The following RMND1 variants were observed in gnomAD, a reference collection of about 807,000 sequenced individuals.
RMND1 encodes the protein required for meiotic nuclear division protein 1 homolog.
RMND1 carries 41 observed loss-of-function variants against 54.0 expected under a neutral mutation model. The observed-to-expected ratio is 0.76, with a 90% CI of 0.59 to 0.98. RMND1 has a LOEUF of 0.98. Among genes scored for constraint, RMND1 ranks in the 50% least tolerant of loss-of-function variants. The probability of loss-of-function intolerance (pLI) is 0.00; values close to 1 mark genes in which losing one functional copy is unlikely to be tolerated. For missense variants in RMND1, 457 were observed against 532.0 expected (o/e 0.86, Z 1.39); for synonymous variants, 183 against 181.7 (o/e 1.01, Z -0.06).
At chr6:151,421,766 T>C (rs368411491) in intron 8 of RMND1, among the ~76,000 whole-genome samples, 22 of 152,258 alleles carry the variant, frequency 1.4e-4, no homozygotes, top group East Asian at 7.7e-4. Flanking sequence ...GTGGTCATAA[T>C]TTCCATTCTC....
chr6:151,440,436 G>A (rs1200201727), intron 2 of RMND1, among the ~76,000 whole-genome samples: 3 of 152,222 alleles, frequency 2.0e-5, no homozygotes, highest in African/African-American at 7.2e-5. Context: ...TCAAGGACAG[G>A]ACAAGTCAAT....
chr6:151,416,170 C>T (rs936043501), intron 10 of RMND1, among the ~76,000 whole-genome samples: 5 of 151,742 alleles, frequency 3.3e-5, no homozygotes, highest in South Asian at 2.1e-4. Flanking sequence ...GTAGAGACAG[C>T]GTTTTACCAT....
chr6:151,439,029 C>T (rs1350316950), intron 2 of RMND1, among the ~76,000 whole-genome samples: 1 of 152,082 alleles, frequency 6.6e-6, no homozygotes, highest in East Asian at 1.9e-4. Context: ...CAGGAGAATC[C>T]CTTGAATCCA....
intron 2 of RMND1, among the ~76,000 whole-genome samples, chr6:151,439,385 T>C (rs1319890594): frequency 1.3e-5 from 2 of 152,216 alleles, no homozygotes; most frequent in Non-Finnish European, 2.9e-5. Flanking sequence ...AAAAAGCTTA[T>C]GCATGAGAGT....
At chr6:151,433,015 T>A (rs1039745631) in intron 4 of RMND1, 140 bp downstream of exon 4, 3 of 542,712 alleles carry the variant, frequency 5.5e-6, no homozygotes, top group Non-Finnish European at 6.6e-6. Context: ...CTAGATTAAA[T>A]AAGAATTAAA....
chr6:151,417,935 AG>A (rs1385005482), intron 9 of RMND1, among the ~76,000 whole-genome samples: 1 of 151,764 alleles, frequency 6.6e-6, no homozygotes, highest in Non-Finnish European at 1.5e-5. Flanking sequence ...CAGCCTCCCA[AG>A]TAGCTGGGAT....
At chr6:151,433,110 G>T in intron 4 of RMND1, 45 bp downstream of exon 4, 1 of 1,248,752 alleles carries the variant, frequency 8.0e-7, no homozygotes, top group South Asian at 1.3e-5. Context: ...ACAATTACTT[G>T]ACCCAAACCC....
At chr6:151,410,374 G>A (rs1234940547) in intron 10 of RMND1, among the ~76,000 whole-genome samples, 2 of 152,004 alleles carry the variant, frequency 1.3e-5, no homozygotes, top group Non-Finnish European at 2.9e-5. Context: ...TGTTTTCTTA[G>A]AAGACTGTAA....
chr6:151,423,990 G>A (rs2114939331), intron 6 of RMND1, among the ~76,000 whole-genome samples: 1 of 151,998 alleles, frequency 6.6e-6, no homozygotes, highest in South Asian at 2.1e-4. Flanking sequence ...TGGGATTACA[G>A]GCATGCGTAA....
Position 151,423,878 on chromosome 6 carries a change from C to T in RMND1, c.831-247G>A, listed in dbSNP as rs1489363578. Among the ~76,000 whole-genome samples the T allele has an allele frequency of 2.7e-5, 4 of 148,372 alleles. No individual in the cohort carries two copies. The East Asian group carries it at 7.9e-4, about 29-fold the overall frequency. On this transcript the variant is annotated intron_variant, in intron 6 of 11. Transcript: ENST00000444024. Reference sequence around the variant, plus strand: ...TTTTTTTTTTTTTTTGAGACAGTCTCACTCTGCCGCCCAGGCTAGAGTGCA... The same window carrying T: ...TTTTTTTTTTTTTTTGAGACAGTCTTACTCTGCCGCCCAGGCTAGAGTGCA...
At chr6:151,423,377 A>T in intron 7 of RMND1, 148 bp downstream of exon 7, 1 of 594,010 alleles carries the variant, frequency 1.7e-6, no homozygotes, top group Non-Finnish European at 3.0e-6. Flanking sequence ...TTTATACTAG[A>T]TATTTTTTCT....
intron 3 of RMND1, among the ~76,000 whole-genome samples, chr6:151,433,814 T>A (rs1481503270): frequency 6.6e-6 from 1 of 151,216 alleles, no homozygotes; most frequent in African/African-American, 2.4e-5. Flanking sequence ...CTGCAACTAT[T>A]TAAAAAAAAA....
chr6:151,421,139 G>T, intron 9 of RMND1, 106 bp downstream of exon 9: 1 of 788,146 alleles, frequency 1.3e-6, no homozygotes, highest in South Asian at 1.8e-5. Context: ...AACAGCTACA[G>T]TTCCCATAAA....
At chr6:151,425,705 C>T (rs754249930) in intron 6 of RMND1, among the ~76,000 whole-genome samples, 19 of 152,186 alleles carry the variant, frequency 1.2e-4, no homozygotes, top group Non-Finnish European at 2.1e-4. Context: ...CAGGCTGACT[C>T]ACAGTCAGGT....
chr6:151,430,197 GAAAC>G lies in RMND1; in HGVS notation c.690-24_690-21del. On this transcript the variant is annotated intron_variant, in intron 4 of 11. Coordinates refer to ENST00000444024, the MANE Select transcript of RMND1 (RefSeq NM_017909.4). ...CCTTCCCTGATTTAAAAAAATAAAA[GAAAC>G]AACTAAGATACAGATGGAATACATT... 1 of 1,562,622 alleles carries G rather than the reference GAAAC, an allele frequency of 6.4e-7. No homozygotes were observed. Among genetic ancestry groups the G allele is most frequent in the Non-Finnish European group, 8.8e-7 (1 of 1,135,922 alleles).
chr6:151,409,055 A>G (rs1029447591), intron 10 of RMND1, among the ~76,000 whole-genome samples: 2 of 152,256 alleles, frequency 1.3e-5, no homozygotes, highest in African/African-American at 4.8e-5. Context: ...CGCTGGGCAG[A>G]GGAGACAGAA....
At chr6:151,409,856 A>T (rs1163797930) in intron 10 of RMND1, among the ~76,000 whole-genome samples, 1 of 152,190 alleles carries the variant, frequency 6.6e-6, no homozygotes, top group Non-Finnish European at 1.5e-5. Context: ...ACAGGACTTC[A>T]GGGGATACTG....
chr6:151,418,750 C>T (rs1471811536), intron 9 of RMND1, among the ~76,000 whole-genome samples: 1 of 152,170 alleles, frequency 6.6e-6, no homozygotes, highest in Non-Finnish European at 1.5e-5. Context: ...TTAATTTCTA[C>T]ATTTTAATAT....
In RMND1 at chr6:151,433,174, C is replaced by T. The variant is rs1780493490; in HGVS notation, c.670G>A (p.Gly224Arg). The T allele has an allele frequency of 1.9e-6, 3 of 1,611,552 alleles. No individual in the cohort carries two copies. The highest frequency in any genetic ancestry group is 2.5e-6 in the Non-Finnish European group (3 of 1,178,332). The change falls in exon 4 of 12, where the codon GGA becomes AGA. Residue 224 changes from glycine to arginine, a missense_variant. Transcript: ENST00000444024. ...TCTTACCTGAAGAAGAATATTGTTC[C>T]AGGATCACCTTCTTTTGCAGAATTT... is the stretch of plus-strand genomic sequence containing the variant. ...VENSAKEGDPGTIFFFREGAA... is the reference protein window; with the variant it reads ...VENSAKEGDPRTIFFFREGAA...
Sources: allele counts gnomAD v4.1 joint callset (sites outside exome capture counted in the v4.1 genomes callset), GRCh38; gene constraint gnomAD v4.1.1; transcripts MANE v1.5; gene names NCBI Gene and HGNC (gene_info 2026-07-23, HGNC 2026-07-21).